The following DNAI3 variants were observed in gnomAD, a reference collection of about 807,000 sequenced individuals.
The protein encoded by DNAI3 is WD repeat domain 63.
In DNAI3, 83 loss-of-function variants were observed where a neutral mutation model predicts 115.5. That is an observed-to-expected ratio of 0.72 (90% CI 0.60 to 0.86). DNAI3 has a LOEUF of 0.86. DNAI3 is among the 40% of genes least tolerant of loss of function. DNAI3 has a pLI of 0.00. For missense variants in DNAI3, 1,004 were observed against 1,075.8 expected (o/e 0.93, Z 0.93); for synonymous variants, 320 against 347.0 (o/e 0.92, Z 0.86).
At chr1:85,098,069 G>A (rs917868167) in intron 12 of DNAI3, among the ~76,000 whole-genome samples, 4 of 152,148 alleles carry the variant, frequency 2.6e-5, no homozygotes, top group Admixed American at 6.5e-5. Flanking sequence ...AAATGAAGGG[G>A]TTACATCATA....
At chr1:85,069,789 G>T (rs1468244900) in intron 1 of DNAI3, among the ~76,000 whole-genome samples, 1 of 152,056 alleles carries the variant, frequency 6.6e-6, no homozygotes, top group East Asian at 1.9e-4. Context: ...TGGAGAAGGG[G>T]TACATTGATA....
intron 4 of DNAI3, 63 bp from the exon 5 acceptor site, chr1:85,082,237 G>T: frequency 1.6e-6 from 2 of 1,266,858 alleles, no homozygotes; most frequent in South Asian, 1.3e-5. Context: ...ATTTTGTGTT[G>T]GCATCAAAAT....
In DNAI3 at chr1:85,087,434, CAAAAAAAAAAAAAAAA is replaced by C. The variant is rs1162431713; in HGVS notation, c.740+1414_740+1429del. Among the ~76,000 whole-genome samples, 4 of 46,666 alleles carry C rather than the reference CAAAAAAAAAAAAAAAA, an allele frequency of 8.6e-5. No individual in the cohort carries two copies. In the East Asian group the frequency reaches 2.7e-3, roughly 32 times the overall value. The allele number at this position is 46,666 out of a possible 152,430, so 30.6% of individuals were successfully genotyped here. ...CTGGTGATAGAGCTAGACTCCATCT[CAAAAAAAAAAAAAAAA>C]AAAAAAAAAGAAAGAAAGAAAAAAA... On this transcript the variant is annotated intron_variant, in intron 7 of 22. Transcript: ENST00000294664.
At chr1:85,096,452 A>G (rs1571176710) in intron 11 of DNAI3, among the ~76,000 whole-genome samples, 1 of 147,968 alleles carries the variant, frequency 6.8e-6, no homozygotes, top group Non-Finnish European at 1.5e-5. Context: ...AGGCAGATAT[A>G]TGTGTGTATA....
intron 8 of DNAI3, among the ~76,000 whole-genome samples, chr1:85,091,470 A>G (rs1021454307): frequency 6.6e-6 from 1 of 152,198 alleles, no homozygotes; most frequent in Admixed American, 6.5e-5. Flanking sequence ...CACAGGAATT[A>G]TAATAGCACT....
At chr1:85,118,389 T>C (rs772036382) in intron 17 of DNAI3, among the ~76,000 whole-genome samples, 2 of 152,258 alleles carry the variant, frequency 1.3e-5, no homozygotes, top group Non-Finnish European at 2.9e-5. Context: ...TTATATCCCA[T>C]TTAATCCCAG....
chr1:85,122,593 G>C (rs895043563), intron 18 of DNAI3, among the ~76,000 whole-genome samples: 14 of 152,210 alleles, frequency 9.2e-5, no homozygotes, highest in Non-Finnish European at 1.3e-4. Flanking sequence ...TCCTGGGACT[G>C]CTAGGCCCAC....
chr1:85,107,920 T>C (rs1655537213), intron 14 of DNAI3, 113 bp from the exon 15 acceptor site: 2 of 709,336 alleles, frequency 2.8e-6, no homozygotes, highest in South Asian at 8.2e-5. Flanking sequence ...TAGTTTCAGA[T>C]ACATTAAAAT....
At chr1:85,090,328 C>T (rs1171880505) in intron 8 of DNAI3, 96 bp downstream of exon 8, 3 of 586,724 alleles carry the variant, frequency 5.1e-6, no homozygotes, top group Non-Finnish European at 5.5e-6. Flanking sequence ...TATAGGGTAT[C>T]TAGATAAAAA....
intron 16 of DNAI3, among the ~76,000 whole-genome samples, chr1:85,117,372 C>T (rs1338589953): frequency 2.0e-5 from 3 of 152,042 alleles, no homozygotes; most frequent in African/African-American, 4.8e-5. Context: ...AAATAAATAA[C>T]ATTTATTAAT....
Position 85,093,517 on chromosome 1 carries a change from A to G in DNAI3, c.917A>G (p.Tyr306Cys). 15 of 1,614,180 alleles carry G rather than the reference A, an allele frequency of 9.3e-6. No homozygotes were observed. The highest frequency in any genetic ancestry group is 1.3e-5 in the Non-Finnish European group (15 of 1,180,028). ...IMNTFIDDWK[Y>C]LAEEEGTFGD... is the part of the protein sequence containing the mutation. ...AACACATTTATTGATGACTGGAAAT[A>G]CCTCGCAGAAGAAGAAGGCACCTTT... The change falls in exon 9 of 23, where the codon TAC (tyrosine) becomes TGC (cysteine). Residue 306 changes from tyrosine to cysteine, a missense_variant. Coordinates refer to ENST00000294664, the MANE Select transcript of DNAI3 (RefSeq NM_145172.5).
chr1:85,093,188 G>A (rs1055377426), intron 8 of DNAI3, among the ~76,000 whole-genome samples: 2 of 152,216 alleles, frequency 1.3e-5, no homozygotes, highest in African/African-American at 4.8e-5. Flanking sequence ...GCAGCTGCAT[G>A]CTCAGGCATT....
intron 11 of DNAI3, among the ~76,000 whole-genome samples, chr1:85,097,130 T>A (rs709769): frequency 2.9e-4 from 44 of 151,864 alleles, no homozygotes; most frequent in African/African-American, 1.0e-3. Flanking sequence ...CAGAGTTGGC[T>A]GTAATAGTCA....
intron 3 of DNAI3, among the ~76,000 whole-genome samples, chr1:85,073,327 T>C (rs986193027): frequency 1.3e-5 from 2 of 152,210 alleles, no homozygotes; most frequent in African/African-American, 4.8e-5. Flanking sequence ...ATGCATTATA[T>C]GATTATTGAA....
intron 8 of DNAI3, 104 bp from the exon 9 acceptor site, chr1:85,093,353 AT>A: frequency 4.0e-6 from 4 of 1,009,744 alleles, no homozygotes; most frequent in Non-Finnish European, 5.7e-6. Flanking sequence ...GAGAATTATT[AT>A]TTTTTGTTCA....
At chr1:85,097,356 C>A (rs962546181) in intron 11 of DNAI3, among the ~76,000 whole-genome samples, 1 of 152,004 alleles carries the variant, frequency 6.6e-6, no homozygotes, top group East Asian at 1.9e-4. Context: ...AATGTAAGCA[C>A]AAAAATGAAA....
Position 85,126,598 on chromosome 1 carries a change from G to A in DNAI3, c.2200G>A (p.Gly734Ser), listed in dbSNP as rs958819492. 7 of 1,613,888 alleles carry A rather than the reference G, an allele frequency of 4.3e-6. No individual in the cohort carries two copies. Among genetic ancestry groups the A allele is most frequent in the East Asian group, 4.5e-5 (2 of 44,878 alleles). The change falls in exon 20 of 23, where the codon GGC (glycine) becomes AGC (serine). Residue 734 changes from glycine to serine, a missense_variant. By Grantham distance (56) the Gly-to-Ser change is moderately conservative (BLOSUM62 0). Coordinates refer to ENST00000294664, the MANE Select transcript of DNAI3 (RefSeq NM_145172.5). ...GACTCGGCCCGGAGTTTTCTACATCGGCCGAGAAGATGGATACATTGATAT... is the reference window on the plus strand; with the variant it reads ...GACTCGGCCCGGAGTTTTCTACATCAGCCGAGAAGATGGATACATTGATAT... ...SLTRPGVFYI[G>S]REDGYIDIWD...
intron 2 of DNAI3, 56 bp downstream of exon 2, chr1:85,072,061 A>G: frequency 6.7e-7 from 1 of 1,490,320 alleles, no homozygotes; most frequent in Non-Finnish European, 9.2e-7. Flanking sequence ...TGTATATATT[A>G]GCAGCAAAAT....
intron 22 of DNAI3, among the ~76,000 whole-genome samples, chr1:85,131,797 A>G (rs775146015): frequency 2.0e-5 from 3 of 152,220 alleles, no homozygotes; most frequent in Non-Finnish European, 4.4e-5. Context: ...GCTCCTAATT[A>G]TCTACATCAG....
Sources: gnomAD v4.1 joint callset for allele counts (sites outside exome capture counted in the v4.1 genomes callset) on GRCh38, gnomAD v4.1.1 for gene constraint, MANE v1.5 for transcripts, NCBI Gene and HGNC (gene_info 2026-07-23, HGNC 2026-07-21) for gene names.